Variants in IPO9 observed in about 807,000 individuals in gnomAD.
IPO9 encodes importin-9.
A neutral mutation model predicts 128.6 loss-of-function variants in IPO9; 28 were observed. The ratio of observed to expected loss-of-function variants is 0.22; its 90% confidence interval spans 0.16 to 0.30. The LOEUF (loss-of-function observed/expected upper bound fraction) is 0.30, where lower values mean the gene tolerates loss of function less well. Ranked by LOEUF, IPO9 falls within the 10% of genes least tolerant of loss-of-function variation. The pLI is 1.00. For missense variants in IPO9, 935 were observed against 1,293.9 expected, an observed-to-expected ratio of 0.72 and a Z score of 4.26; for synonymous variants, 455 against 475.8, an observed-to-expected ratio of 0.96 and a Z score of 0.57.
intron 1 of IPO9, 22 bp downstream of exon 1, chr1:201,829,394 C>G (rs368498617): frequency 6.5e-7 from 1 of 1,539,108 alleles, no homozygotes; most frequent in East Asian, 2.5e-5. Flanking sequence ...GGGACCGTCA[C>G]GAGGATGGCT....
At chr1:201,875,728 T>C (rs1336601666) in intron 23 of IPO9, among the ~76,000 whole-genome samples, 1 of 152,172 alleles carries the variant, frequency 6.6e-6, no homozygotes, top group African/African-American at 2.4e-5. Flanking sequence ...CTAGAGGCTA[T>C]GTTGTGAAGG....
intron 16 of IPO9, among the ~76,000 whole-genome samples, chr1:201,869,199 G>A (rs541863024): frequency 5.9e-5 from 9 of 152,232 alleles, no homozygotes; most frequent in East Asian, 5.8e-4. Flanking sequence ...TGCAGTGAGT[G>A]GAGATCGTGC....
chr1:201,857,268 C>A, intron 11 of IPO9, 74 bp downstream of exon 11: 1 of 1,006,532 alleles, frequency 9.9e-7, no homozygotes, highest in South Asian at 1.3e-5. Context: ...TTGTAGACAA[C>A]TAATCCAAGG....
chr1:201,864,730 A>G (rs1680518080), intron 14 of IPO9, among the ~76,000 whole-genome samples: 1 of 152,248 alleles, frequency 6.6e-6, no homozygotes, highest in Non-Finnish European at 1.5e-5. Flanking sequence ...CATACTTACC[A>G]ACATTGATTC....
intron 15 of IPO9, among the ~76,000 whole-genome samples, chr1:201,867,414 A>G (rs995063832): frequency 3.3e-5 from 5 of 152,174 alleles, no homozygotes; most frequent in African/African-American, 4.8e-5. Context: ...ATAAAAAGAC[A>G]TTAGTTAATT....
intron 13 of IPO9, among the ~76,000 whole-genome samples, chr1:201,861,973 G>T (rs1680457042): frequency 6.6e-6 from 1 of 152,182 alleles, no homozygotes; most frequent in Non-Finnish European, 1.5e-5. Context: ...TAAGATGTAA[G>T]TTGCTAAGGA....
chr1:201,874,475 A>C, intron 21 of IPO9, 103 bp downstream of exon 21: 1 of 1,346,214 alleles, frequency 7.4e-7, no homozygotes, highest in South Asian at 1.4e-5. Flanking sequence ...TGAAAAAAAA[A>C]GTTGATGGAA....
chr1:201,854,785 T>G, intron 7 of IPO9, 38 bp from the exon 8 acceptor site: 1 of 1,605,246 alleles, frequency 6.2e-7, no homozygotes, highest in Non-Finnish European at 8.5e-7. Flanking sequence ...TTCTTATATA[T>G]CACTCATAAC....
Position 201,876,070 on chromosome 1 carries a change from T to C in IPO9, c.*16T>C, listed in dbSNP as rs1275095424. 1 of 1,533,840 alleles carries C rather than the reference T, an allele frequency of 6.5e-7. No homozygotes were observed. Among genetic ancestry groups the C allele is most frequent in the Non-Finnish European group, 9.0e-7 (1 of 1,106,802 alleles). On this transcript the variant is annotated 3_prime_UTR_variant, in exon 24 of 24. Transcript: ENST00000361565. ...CGGCATCTAAAAAGGGGAGCCTTTC[T>C]ACATTTGCTCCTTCTGGGCCAGCCG...
intron 14 of IPO9, among the ~76,000 whole-genome samples, chr1:201,865,493 C>T (rs1332722308): frequency 1.3e-5 from 2 of 152,162 alleles, no homozygotes; most frequent in Non-Finnish European, 2.9e-5. Context: ...CAGACATGAG[C>T]CACCGCGCCC....
At chr1:201,845,862 A>G (rs1219275373) in intron 1 of IPO9, among the ~76,000 whole-genome samples, 5 of 152,206 alleles carry the variant, frequency 3.3e-5, no homozygotes, top group Non-Finnish European at 7.3e-5. Flanking sequence ...AAAAATTATG[A>G]TGCACTGTTG....
intron 14 of IPO9, among the ~76,000 whole-genome samples, chr1:201,864,516 G>A (rs1680514309): frequency 6.6e-6 from 1 of 152,204 alleles, no homozygotes; most frequent in African/African-American, 2.4e-5. Context: ...TTCTGAGTTT[G>A]TACCTGTGGT....
Position 201,870,483 on chromosome 1 carries a change from T to A in IPO9, c.2134-100T>A. Reference sequence around the variant, plus strand: ...AAACATTATAGACTCACCGCTTTTATGAGGCATAGGCCTCTGGGAACATTT... The same window carrying A: ...AAACATTATAGACTCACCGCTTTTAAGAGGCATAGGCCTCTGGGAACATTT... On this transcript the variant is annotated intron_variant, in intron 17 of 23. Transcript: ENST00000361565. The surrounding 1 kb of genome is among the most constrained non-coding windows in gnomAD (Gnocchi z 4.9). The A allele has an allele frequency of 7.5e-7, 1 of 1,335,230 alleles. No individual in the cohort carries two copies. The highest frequency in any genetic ancestry group is 2.4e-5 in the East Asian group (1 of 41,972). The allele number at this position is 1,335,230 out of a possible 1,614,324, so 82.7% of individuals were successfully genotyped here.
At chr1:201,855,748 T>C in intron 9 of IPO9, 35 bp from the exon 10 acceptor site, 1 of 1,583,772 alleles carries the variant, frequency 6.3e-7, no homozygotes, top group South Asian at 1.2e-5. Flanking sequence ...TTTGCTTTCT[T>C]GTCATTAATT....
intron 1 of IPO9, among the ~76,000 whole-genome samples, chr1:201,843,583 C>T (rs1431879075): frequency 6.6e-6 from 1 of 152,184 alleles, no homozygotes; most frequent in Non-Finnish European, 1.5e-5. Flanking sequence ...GTAATCCCAG[C>T]ACTTTGGGAG....
Position 201,860,111 on chromosome 1 carries a change from G to A in IPO9, c.1468+1117G>A, listed in dbSNP as rs558265656. On this transcript the variant is annotated intron_variant, in intron 13 of 23. Transcript: ENST00000361565. ...CATCCTTGGAGCCAGATCACCATCC[G>A]AAAACACTGCCTTTGCTTTCTCTCT... is the stretch of plus-strand genomic sequence containing the variant. Among the ~76,000 whole-genome samples, 6 of 152,142 alleles carry A rather than the reference G, an allele frequency of 3.9e-5. No individual in the cohort carries two copies. In the South Asian group the frequency reaches 1.0e-3, roughly 26 times the overall value.
At position 201,881,397 on chromosome 1, in the gene IPO9, T is replaced by C. The variant is rs1465014550; in HGVS notation, c.*5343T>C. ...GTGTGTGATTATAGTCCAAGCAGCT[T>C]GTACTTGTTGCCTATTTGTTTTGCC... On this transcript the variant is annotated 3_prime_UTR_variant, in exon 24 of 24. Coordinates refer to ENST00000361565, the MANE Select transcript of IPO9 (RefSeq NM_018085.5). 1 of 152,252 alleles carries C rather than the reference T, an allele frequency of 6.6e-6. No homozygotes were observed. Among genetic ancestry groups the C allele is most frequent in the Non-Finnish European group, 1.5e-5 (1 of 68,042 alleles). The allele number at this position is 152,252 out of a possible 1,614,324, so 9.4% of individuals were successfully genotyped here. A position where few individuals can be genotyped will look rare whatever the true frequency, so the allele number is the denominator to read the frequency against.
rs1680685521 is a variant in IPO9, at chr1:201,872,970, T to C, written c.2710+9T>C. On this transcript the variant is annotated intron_variant, in intron 20 of 23. Transcript: ENST00000361565. ...CTCTAAGTCAGCCAAAAGTGGGTGC[T>C]GCTGCGATTCTTCCAATCCTCTCCC... 6.2e-7 allele frequency: 1 copy of C among 1,608,682 alleles called. No homozygotes were observed. Among genetic ancestry groups the C allele is most frequent in the Admixed American group, 1.7e-5 (1 of 59,364 alleles).
At chr1:201,860,822 T>C (rs1038309764) in intron 13 of IPO9, among the ~76,000 whole-genome samples, 1 of 152,198 alleles carries the variant, frequency 6.6e-6, no homozygotes, top group Non-Finnish European at 1.5e-5. Flanking sequence ...GTCAGAGCCA[T>C]GATATCACAT....
Sources: gnomAD v4.1 joint callset for allele counts (sites outside exome capture counted in the v4.1 genomes callset) on GRCh38, gnomAD v4.1.1 for gene constraint, Gnocchi (gnomAD v3.1) non-coding constraint, MANE v1.5 for transcripts, NCBI Gene and HGNC (gene_info 2026-07-23, HGNC 2026-07-21) for gene names.